Variants in CNST observed in about 807,000 individuals in gnomAD.
CNST encodes the protein consortin.
CNST carries 39 observed loss-of-function variants against 72.4 expected under a neutral mutation model. The observed-to-expected ratio is 0.54, with a 90% CI of 0.42 to 0.70. The LOEUF (loss-of-function observed/expected upper bound fraction) is 0.70. Among genes scored for constraint, CNST ranks in the 30% least tolerant of loss-of-function variants. The pLI is 0.00. For missense variants in CNST, 871 were observed against 868.5 expected, an observed-to-expected ratio of 1.00 and a Z score of -0.04; for synonymous variants, 332 against 320.1, an observed-to-expected ratio of 1.04 and a Z score of -0.40.
chr1:246,657,852 T>C (rs1666853581), intron 9 of CNST, among the ~76,000 whole-genome samples: 2 of 152,254 alleles, frequency 1.3e-5, no homozygotes, highest in African/African-American at 4.8e-5. Context: ...TTGCATTGTC[T>C]TTTGATTTAT....
At chr1:246,584,500 T>C (rs770081649) in intron 1 of CNST, among the ~76,000 whole-genome samples, 29 of 152,080 alleles carry the variant, frequency 1.9e-4, no homozygotes, top group Admixed American at 4.6e-4. Context: ...TCCATTATGA[T>C]GAAAAAAATT....
chr1:246,618,632 A>G (rs1327092029), intron 2 of CNST, among the ~76,000 whole-genome samples: 1 of 151,972 alleles, frequency 6.6e-6, no homozygotes, highest in African/African-American at 2.4e-5. Flanking sequence ...GAATCCTTAG[A>G]CTTCTGTGGG....
chr1:246,589,782 T>G (rs944320597), intron 1 of CNST, among the ~76,000 whole-genome samples: 1 of 152,150 alleles, frequency 6.6e-6, no homozygotes, highest in Non-Finnish European at 1.5e-5. Flanking sequence ...ACCTGTTGTT[T>G]CCTGACTTTT....
intron 6 of CNST, among the ~76,000 whole-genome samples, chr1:246,638,029 T>TA (rs1278188250): frequency 6.6e-6 from 1 of 152,098 alleles, no homozygotes; most frequent in Non-Finnish European, 1.5e-5. Context: ...GAGTGGCAGA[T>TA]ACAGCAGGAC....
intron 2 of CNST, among the ~76,000 whole-genome samples, chr1:246,610,321 T>C (rs1558555615): frequency 6.6e-6 from 1 of 152,174 alleles, no homozygotes; most frequent in African/African-American, 2.4e-5. Context: ...CATTCTTTTT[T>C]ATATTTTCTG....
chr1:246,633,079 T>A lies in CNST; in HGVS notation c.617-845T>A, dbSNP rs578259984. On this transcript the variant is annotated intron_variant, in intron 4 of 10. Transcript: ENST00000366513. ...TGAGCATTAAAACCTTCTTTTAGTT[T>A]CTGTTTGCCGATAGTGTGGAATCCA... is the stretch of plus-strand genomic sequence containing the variant. Among the ~76,000 whole-genome samples, 39 of 152,340 alleles carry A rather than the reference T, an allele frequency of 2.6e-4. 1 individual carries two copies. The highest frequency in any genetic ancestry group is 2.4e-5 in the African/African-American group (1 of 41,584).
intron 1 of CNST, among the ~76,000 whole-genome samples, chr1:246,571,498 G>C (rs1660065933): frequency 6.6e-6 from 1 of 152,154 alleles, no homozygotes; most frequent in Non-Finnish European, 1.5e-5. Context: ...ACATTTTGGA[G>C]ATGGAAACTT....
intron 1 of CNST, among the ~76,000 whole-genome samples, chr1:246,578,403 T>C (rs1041523439): frequency 6.6e-6 from 1 of 152,090 alleles, no homozygotes; most frequent in African/African-American, 2.4e-5. Context: ...CTGGGCGTGG[T>C]GGCTCACGCC....
intron 3 of CNST, among the ~76,000 whole-genome samples, chr1:246,631,070 T>G (rs1027446706): frequency 6.6e-6 from 1 of 152,162 alleles, no homozygotes; most frequent in African/African-American, 2.4e-5. Flanking sequence ...GAATACAGAG[T>G]TTATGCAATA....
At chr1:246,596,445 G>A (rs1172170883) in intron 2 of CNST, among the ~76,000 whole-genome samples, 1 of 151,586 alleles carries the variant, frequency 6.6e-6, no homozygotes, top group East Asian at 1.9e-4. Context: ...AGTTAAAATG[G>A]CAAAGCTTTA....
At chr1:246,638,107 G>C (rs908394092) in intron 6 of CNST, among the ~76,000 whole-genome samples, 7 of 152,222 alleles carry the variant, frequency 4.6e-5, no homozygotes, top group Admixed American at 1.3e-4. Flanking sequence ...AGTTGCAAGA[G>C]AGGTTTGTAG....
intron 1 of CNST, among the ~76,000 whole-genome samples, chr1:246,578,889 T>C (rs933276984): frequency 1.3e-5 from 2 of 152,202 alleles, no homozygotes; most frequent in African/African-American, 4.8e-5. Flanking sequence ...ACTGTTTGAC[T>C]TTGGATGAGT....
At chr1:246,625,106 T>C (rs1480130094) in intron 3 of CNST, among the ~76,000 whole-genome samples, 1 of 152,220 alleles carries the variant, frequency 6.6e-6, no homozygotes, top group Non-Finnish European at 1.5e-5. Context: ...AAGGCCATTA[T>C]CAACCCCAAG....
At chr1:246,566,943 C>T (rs564161790) in intron 1 of CNST, among the ~76,000 whole-genome samples, 2 of 152,354 alleles carry the variant, frequency 1.3e-5, no homozygotes, top group South Asian at 2.1e-4. Context: ...TCACCCGGCT[C>T]CTGGAGGAGC....
At position 246,591,755 on chromosome 1, in the gene CNST, G is replaced by A; in HGVS notation, c.193G>A (p.Glu65Lys). The A allele has an allele frequency of 6.2e-7, 1 of 1,614,176 alleles. No homozygotes were observed. The highest frequency in any genetic ancestry group is 2.2e-5 in the East Asian group (1 of 44,870). Residue 65 changes from glutamate to lysine, a missense_variant, in exon 2 of 11, where the codon GAG becomes AAG. Physicochemically the swap from Glu to Lys is moderately conservative, Grantham distance 56. Transcript: ENST00000366513. ...TGCGATGGGAAAGCCCCAAGTGTCT[G>A]AGCAGGACAGTCTCAATAATAATGA... ...DSAMGKPQVS[E>K]QDSLNNNESC...
At chr1:246,608,823 C>T (rs1353165047) in intron 2 of CNST, among the ~76,000 whole-genome samples, 2 of 152,182 alleles carry the variant, frequency 1.3e-5, no homozygotes, top group African/African-American at 4.8e-5. Flanking sequence ...TCTTCCCGTC[C>T]CTGTATTGAC....
Position 246,667,315 on chromosome 1 carries a change from T to C in CNST, c.*1410T>C, listed in dbSNP as rs1355521006. On this transcript the variant is annotated 3_prime_UTR_variant, in exon 11 of 11. Transcript: ENST00000366513. ...AGATTATGTGAATCTTAAAGGGCTT[T>C]TTATATCAGTTGAAAGTGTGTTACT... 6.6e-6 allele frequency: 1 copy of C among 152,228 alleles called. No individual in the cohort carries two copies. The highest frequency in any genetic ancestry group is 2.4e-5 in the African/African-American group (1 of 41,458). The allele number at this position is 152,228 out of a possible 1,614,324, so 9.4% of individuals were successfully genotyped here. A position where few individuals can be genotyped will look rare whatever the true frequency, so the allele number is the denominator to read the frequency against.
intron 8 of CNST, 88 bp downstream of exon 8, chr1:246,642,125 A>T: frequency 2.1e-6 from 1 of 480,870 alleles, no homozygotes; most frequent in Non-Finnish European, 3.3e-6. Context: ...ATTGCTGCAA[A>T]GGATCTGGTT....
rs755884853 is a variant in CNST, at chr1:246,665,794, C to T, written c.2067C>T (p.Phe689=). ...GAGGAACTGCATTATACTGCACTTTCGGTGACATGGAGTCACCTGTTTGTA... is the reference window on the plus strand; with the variant it reads ...GAGGAACTGCATTATACTGCACTTTTGGTGACATGGAGTCACCTGTTTGTA... ...SVGGTALYCT[F]GDMESPVCTD... Residue 689 remains phenylalanine (F), a synonymous_variant, in exon 11 of 11, where the codon TTC becomes TTT. Transcript: ENST00000366513. 1.3e-5 allele frequency: 21 copies of T among 1,613,446 alleles called. No homozygotes were observed. The highest frequency in any genetic ancestry group is 4.4e-5 in the South Asian group (4 of 91,070).
Sources: gnomAD v4.1 joint callset for allele counts (sites outside exome capture counted in the v4.1 genomes callset) on GRCh38, gnomAD v4.1.1 for gene constraint, MANE v1.5 for transcripts, NCBI Gene and HGNC (gene_info 2026-07-23, HGNC 2026-07-21) for gene names.